Variants in PRKDC observed in about 807,000 individuals in gnomAD.
The protein encoded by PRKDC is protein kinase, DNA-activated, catalytic subunit, also known as DNA-dependent protein kinase catalytic subunit.
PRKDC carries 82 observed loss-of-function variants against 486.9 expected under a neutral mutation model. The ratio of observed to expected loss-of-function variants is 0.17; its 90% CI spans 0.14 to 0.20. The LOEUF is 0.20. Among genes scored for constraint, PRKDC ranks in the 10% least tolerant of loss-of-function variants. PRKDC has a pLI of 1.00. For synonymous variants in PRKDC, 1,895 were observed against 1,837.0 expected, an observed-to-expected ratio of 1.03 and a Z score of -0.81; for missense variants, 4,504 against 5,038.2, an observed-to-expected ratio of 0.89 and a Z score of 3.21.
chr8:47,863,297 T>A, intron 42 of PRKDC, 102 bp downstream of exon 42: 1 of 984,584 alleles, frequency 1.0e-6, no homozygotes, highest in Non-Finnish European at 1.4e-6. Context: ...AAAAGCTCAG[T>A]ATCTAAATAA....
chr8:47,830,464 T>C (rs2087837826), intron 61 of PRKDC, 141 bp downstream of exon 61: 1 of 1,161,200 alleles, frequency 8.6e-7, no homozygotes, highest in East Asian at 2.5e-5. Flanking sequence ...AAGGTCTTTA[T>C]ACCAAGTCCA....
rs141113800 is a variant in PRKDC at position 47,789,035 on chromosome 8, A to G, written c.10773T>C (p.Asp3591=). The stretch of plus-strand genomic sequence containing the variant: ...GGGTTTTTGCTAGTTCAGCTCTTAC[A>G]TCATTGCTCCAATCCTGTCAGGGGA... The part of the protein sequence containing the change: ...PELLFKDWSN[D]VRAELAKTPV... The change falls in exon 76 of 86, where the codon GAT becomes GAC. Residue 3591 remains aspartate, a synonymous_variant. Coordinates refer to ENST00000314191, the MANE Select transcript of PRKDC (RefSeq NM_006904.7). 4.3e-5 allele frequency: 70 copies of G among 1,612,638 alleles called. 1 individual carries two copies. In the African/African-American group the frequency reaches 6.8e-4, roughly 16 times the overall value.
At chr8:47,848,527 T>A (rs1034565076) in intron 54 of PRKDC, among the ~76,000 whole-genome samples, 1 of 151,874 alleles carries the variant, frequency 6.6e-6, no homozygotes, top group Admixed American at 6.6e-5. Flanking sequence ...AACTAACTAC[T>A]AGGTACTATG....
intron 80 of PRKDC, chr8:47,779,322 T>A: frequency 2.5e-6 from 1 of 399,300 alleles, no homozygotes; most frequent in East Asian, 4.3e-5. Flanking sequence ...AGCTATTGCC[T>A]ATGAAAAATT....
chr8:47,814,392 T>C (rs1038011979), intron 68 of PRKDC, among the ~76,000 whole-genome samples: 141 of 152,228 alleles, frequency 9.3e-4, no homozygotes, highest in African/African-American at 3.3e-3. Context: ...ATGAAATAAA[T>C]GGCATAAAGT....
At chr8:47,839,324 T>G in intron 55 of PRKDC, 78 bp from the exon 56 acceptor site, 1 of 976,792 alleles carries the variant, frequency 1.0e-6, no homozygotes, top group Non-Finnish European at 1.6e-6. Context: ...TAACACCATC[T>G]AGAATTCAAT....
At chr8:47,945,964 C>T (rs1310318627) in intron 7 of PRKDC, among the ~76,000 whole-genome samples, 1 of 152,036 alleles carries the variant, frequency 6.6e-6, no homozygotes, top group Admixed American at 6.5e-5. Flanking sequence ...CCTCATGATA[C>T]ACCTGCCTCA....
intron 83 of PRKDC, 82 bp downstream of exon 83, chr8:47,778,377 A>C: frequency 7.0e-7 from 1 of 1,429,880 alleles, no homozygotes; most frequent in Admixed American, 2.2e-5. Context: ...TTTTCCTTAA[A>C]AACTGTCTAT....
intron 40 of PRKDC, among the ~76,000 whole-genome samples, chr8:47,868,199 T>C (rs1375024934): frequency 6.6e-6 from 1 of 152,020 alleles, no homozygotes; most frequent in Non-Finnish European, 1.5e-5. Context: ...ACAAAAGGAG[T>C]TGGGAAGTAT....
rs1475544746 is a variant in PRKDC, at chr8:47,773,864, T to G, written c.*309A>C. 1.9e-5 allele frequency: 5 copies of G among 268,898 alleles called. No individual in the cohort carries two copies. Among genetic ancestry groups the G allele is most frequent in the African/African-American group, 8.6e-5 (4 of 46,372 alleles). 16.7% of individuals were successfully genotyped at this position (268,898 alleles called of 1,614,324 possible). A position where few individuals can be genotyped will look rare whatever the true frequency, so the allele number is the denominator to read the frequency against. ...TACGGAGACAGCTGTTTCACTAACT[T>G]GCAGCACTTGTAAATGCTTTGAAAG... On this transcript the variant is annotated 3_prime_UTR_variant, in exon 86 of 86. Coordinates refer to ENST00000314191, the MANE Select transcript of PRKDC (RefSeq NM_006904.7).
chr8:47,787,507 G>A (rs537747403), intron 76 of PRKDC, among the ~76,000 whole-genome samples: 1 of 152,344 alleles, frequency 6.6e-6, no homozygotes, highest in South Asian at 2.1e-4. Flanking sequence ...TTGAACGAAT[G>A]CAAGTTATTT....
At chr8:47,955,998 T>C in intron 3 of PRKDC, 50 bp from the exon 4 acceptor site, 1 of 1,340,414 alleles carries the variant, frequency 7.5e-7, no homozygotes, top group Non-Finnish European at 1.0e-6. Context: ...ATATAAAAAC[T>C]AAGACTCAGC....
chr8:47,896,504 G>A (rs777293412), intron 30 of PRKDC, among the ~76,000 whole-genome samples: 14 of 152,118 alleles, frequency 9.2e-5, no homozygotes, highest in East Asian at 1.9e-4. Flanking sequence ...AAAATTAGCC[G>A]GACGCGGTGG....
At chr8:47,785,078 C>A (rs752326867) in intron 77 of PRKDC, 35 bp downstream of exon 77, 1 of 1,589,510 alleles carries the variant, frequency 6.3e-7, no homozygotes, top group Non-Finnish European at 8.6e-7. Context: ...GTGCTCCTGA[C>A]AGTACAGTTT....
chr8:47,795,721 G>A (rs1161502602), intron 73 of PRKDC, among the ~76,000 whole-genome samples: 2 of 151,378 alleles, frequency 1.3e-5, no homozygotes, highest in African/African-American at 2.4e-5. Context: ...TTGAACTCCT[G>A]ACCTCAGGTG....
chr8:47,954,801 T>C (rs974730700), intron 4 of PRKDC, among the ~76,000 whole-genome samples: 1 of 151,906 alleles, frequency 6.6e-6, no homozygotes, highest in African/African-American at 2.4e-5. Context: ...AATTCTAAAA[T>C]ACAAATACAA....
In PRKDC at chr8:47,858,549, G is replaced by T; in HGVS notation, c.6432C>A (p.Leu2144=). Reference sequence around the variant, plus strand: ...TATTAATAACAAGCTTGGCTAAGAAGAGACGGATATTTAATGGTACTATTG... The same window carrying T: ...TATTAATAACAAGCTTGGCTAAGAATAGACGGATATTTAATGGTACTATTG... ...GNPIVPLNIR[L]FLAKLVINTE... is the part of the protein sequence containing the mutation. The change falls in exon 48 of 86, where the codon CTC becomes CTA. Residue 2144 remains leucine, a synonymous_variant. Coordinates refer to ENST00000314191, the MANE Select transcript of PRKDC (RefSeq NM_006904.7). 6.5e-7 allele frequency: 1 copy of T among 1,540,250 alleles called. No individual in the cohort carries two copies. Among genetic ancestry groups the T allele is most frequent in the South Asian group, 1.2e-5 (1 of 81,720 alleles).
chr8:47,829,649 A>C (rs2087819502), intron 61 of PRKDC, among the ~76,000 whole-genome samples: 1 of 152,212 alleles, frequency 6.6e-6, no homozygotes, highest in African/African-American at 2.4e-5. Flanking sequence ...ATATGGCTAA[A>C]TCAAAAGCAC....
intron 76 of PRKDC, among the ~76,000 whole-genome samples, chr8:47,788,249 C>T (rs754541170): frequency 5.3e-5 from 8 of 152,210 alleles, no homozygotes; most frequent in Non-Finnish European, 1.0e-4. Flanking sequence ...AGAAATGATG[C>T]TGACGCCAAG....
Sources: gnomAD v4.1 joint callset for allele counts (sites outside exome capture counted in the v4.1 genomes callset) on GRCh38, gnomAD v4.1.1 for gene constraint, MANE v1.5 for transcripts, NCBI Gene and HGNC (gene_info 2026-07-23, HGNC 2026-07-21) for gene names.